Variants in DCC observed in about 807,000 individuals in gnomAD.
DCC encodes the protein DCC netrin 1 receptor, also known as netrin receptor DCC.
In DCC, 58 loss-of-function variants were observed where a neutral mutation model predicts 172.5. The observed-to-expected ratio is 0.34, with a 90% CI of 0.27 to 0.42. The LOEUF (loss-of-function observed/expected upper bound fraction) is 0.42, where lower values mean the gene tolerates loss of function less well. Ranked by LOEUF, DCC falls within the 10% of genes least tolerant of loss-of-function variation. The pLI is 1.00. For synonymous variants in DCC, 709 were observed against 644.5 expected (o/e 1.10, Z -1.52); for missense variants, 1,740 against 1,791.0 (o/e 0.97, Z 0.51).
At chr18:52,692,302 A>T (rs1176054616) in intron 1 of DCC, among the ~76,000 whole-genome samples, 17 of 152,144 alleles carry the variant, frequency 1.1e-4, no homozygotes, top group Admixed American at 1.1e-3. Context: ...AATTGCTACA[A>T]ATCAAACTTT....
intron 1 of DCC, among the ~76,000 whole-genome samples, chr18:52,663,015 A>C (rs1299405578): frequency 6.6e-6 from 1 of 152,198 alleles, no homozygotes; most frequent in Non-Finnish European, 1.5e-5. Context: ...GAAAACAAAC[A>C]TTCAGACCAT....
chr18:53,010,448 C>T (rs911279546), intron 5 of DCC, among the ~76,000 whole-genome samples: 6 of 151,346 alleles, frequency 4.0e-5, no homozygotes, highest in African/African-American at 1.5e-4. Flanking sequence ...ACTTCTTTGT[C>T]GAATATTATC....
intron 5 of DCC, among the ~76,000 whole-genome samples, chr18:52,935,129 C>T (rs1035890175): frequency 2.0e-5 from 3 of 152,050 alleles, no homozygotes; most frequent in African/African-American, 4.8e-5. Flanking sequence ...ATCAACATTG[C>T]TTACATATTG....
At chr18:53,368,008 T>G (rs1396141371) in intron 15 of DCC, among the ~76,000 whole-genome samples, 2 of 152,154 alleles carry the variant, frequency 1.3e-5, no homozygotes, top group African/African-American at 2.4e-5. Flanking sequence ...TACCATACTG[T>G]TTTTCATAGC....
chr18:52,730,866 C>T (rs1233346348), intron 1 of DCC, among the ~76,000 whole-genome samples: 1 of 152,130 alleles, frequency 6.6e-6, no homozygotes, highest in Non-Finnish European at 1.5e-5. Flanking sequence ...ATGCACTGCA[C>T]CCCAAGAATT....
At chr18:52,652,885 T>TGGG (rs1198612679) in intron 1 of DCC, among the ~76,000 whole-genome samples, 1 of 152,000 alleles carries the variant, frequency 6.6e-6, no homozygotes, top group Non-Finnish European at 1.5e-5. Flanking sequence ...TACACAAGTA[T>TGGG]CCAGAGCTTT....
intron 5 of DCC, among the ~76,000 whole-genome samples, chr18:52,954,640 C>A (rs2040712034): frequency 1.3e-5 from 2 of 152,096 alleles, no homozygotes; most frequent in Admixed American, 6.6e-5. Context: ...CCAATTATTT[C>A]CACAAAGCTA....
At chr18:53,415,976 A>T (rs967913508) in intron 20 of DCC, 148 bp from the exon 21 acceptor site, 20 of 690,264 alleles carry the variant, frequency 2.9e-5, no homozygotes, top group Admixed American at 6.4e-5. Flanking sequence ...AGAAATAAAC[A>T]TGTAAGTTTG....
chr18:52,858,822 G>A (rs1030842584), intron 2 of DCC, among the ~76,000 whole-genome samples: 14 of 152,132 alleles, frequency 9.2e-5, no homozygotes, highest in African/African-American at 3.4e-4. Context: ...TTGTGTGCAG[G>A]CCCCTGGAAT....
rs2144396922 is a variant in DCC at position 53,157,336 on chromosome 18, C to A, written c.1262-20C>A. 1 of 1,610,866 alleles carries A rather than the reference C, an allele frequency of 6.2e-7. No homozygotes were observed. Among genetic ancestry groups the A allele is most frequent in the Admixed American group, 1.7e-5 (1 of 60,008 alleles). ...CTATGGCAGCGACACCTCTGATAGCCTCCTCTTCTTTCTCCTTAGCTATCC... is the reference window on the plus strand; with the variant it reads ...CTATGGCAGCGACACCTCTGATAGCATCCTCTTCTTTCTCCTTAGCTATCC... On this transcript the variant is annotated intron_variant, in intron 7 of 28. Transcript: ENST00000442544.
At chr18:52,932,371 T>C (rs2040319062) in intron 5 of DCC, among the ~76,000 whole-genome samples, 1 of 152,142 alleles carries the variant, frequency 6.6e-6, no homozygotes, top group African/African-American at 2.4e-5. Context: ...TGGGTCTAGA[T>C]TGATCCCATG....
chr18:52,345,830 T>G (rs1983853745), intron 1 of DCC, among the ~76,000 whole-genome samples: 1 of 152,222 alleles, frequency 6.6e-6, no homozygotes, highest in African/African-American at 2.4e-5. Context: ...AATAGTGTTG[T>G]TATCTTAAGA....
At chr18:53,093,505 G>A (rs190864755) in intron 7 of DCC, among the ~76,000 whole-genome samples, 3 of 152,248 alleles carry the variant, frequency 2.0e-5, no homozygotes, top group East Asian at 3.9e-4. Context: ...CTCATGACAT[G>A]TTTTGAACTC....
intron 1 of DCC, among the ~76,000 whole-genome samples, chr18:52,444,191 G>C (rs1988053826): frequency 1.3e-5 from 2 of 152,150 alleles, no homozygotes; most frequent in South Asian, 4.1e-4. Flanking sequence ...GAACACCTTG[G>C]TGTATGCAGT....
chr18:53,461,912 C>T, intron 24 of DCC, among the ~76,000 whole-genome samples: 1 of 152,152 alleles, frequency 6.6e-6, no homozygotes, highest in Non-Finnish European at 1.5e-5. Context: ...TCTCAATCCT[C>T]CAGTACATTG....
chr18:53,258,422 C>T (rs1398432138), intron 12 of DCC, among the ~76,000 whole-genome samples: 1 of 152,024 alleles, frequency 6.6e-6, no homozygotes, highest in Non-Finnish European at 1.5e-5. Context: ...TCTTTGTTCT[C>T]GTTGGTTTCA....
chr18:53,259,056 T>C (rs1209540077), intron 12 of DCC, among the ~76,000 whole-genome samples: 4 of 152,200 alleles, frequency 2.6e-5, no homozygotes, highest in African/African-American at 9.7e-5. Flanking sequence ...TGTTTTCCAT[T>C]TGCTTGGTAG....
At chr18:53,242,178 C>CT (rs2056305089) in intron 12 of DCC, among the ~76,000 whole-genome samples, 2 of 152,098 alleles carry the variant, frequency 1.3e-5, no homozygotes, top group Admixed American at 1.3e-4. Context: ...CAAAGGGAAA[C>CT]TACAGCAGCT....
At chr18:53,196,957 A>G (rs1245195512) in intron 9 of DCC, among the ~76,000 whole-genome samples, 1 of 152,076 alleles carries the variant, frequency 6.6e-6, no homozygotes. Flanking sequence ...AGGTTTCATT[A>G]TGTTAATAAT....
Sources: gnomAD v4.1 joint callset for allele counts (sites outside exome capture counted in the v4.1 genomes callset) on GRCh38, gnomAD v4.1.1 for gene constraint, MANE v1.5 for transcripts, NCBI Gene and HGNC (gene_info 2026-07-23, HGNC 2026-07-21) for gene names.